The following NPTN variants were observed in gnomAD, a reference collection of about 807,000 sequenced individuals.
The protein encoded by NPTN is neuroplastin.
A neutral mutation model predicts 42.7 loss-of-function variants in NPTN; 5 were observed. That is an observed-to-expected ratio of 0.12 (90% CI 0.06 to 0.25). The LOEUF (loss-of-function observed/expected upper bound fraction) is 0.25. Ranked by LOEUF, NPTN falls within the 10% of genes least tolerant of loss-of-function variation. The probability of loss-of-function intolerance (pLI) is 1.00; values close to 1 mark genes in which losing one functional copy is unlikely to be tolerated. For missense variants in NPTN, 307 were observed against 525.4 expected (o/e 0.58, Z 4.06); for synonymous variants, 180 against 201.9 (o/e 0.89, Z 0.92).
chr15:73,614,096 G>A (rs1203989366), intron 1 of NPTN, among the ~76,000 whole-genome samples: 8 of 151,160 alleles, frequency 5.3e-5, no homozygotes, highest in Admixed American at 4.6e-4. Context: ...TAGATCACTT[G>A]AGCTTAGGAA....
chr15:73,597,104 G>A lies in NPTN; in HGVS notation c.357C>T (p.Ser119=), dbSNP rs1323198883. 1 of 1,614,142 alleles carries A rather than the reference G, an allele frequency of 6.2e-7. No individual in the cohort carries two copies. ...EDSGTYECRA[S]NDPKRNDLRQ... ...TCAAGTCATTCCTCTTGGGGTCGTT[G>A]CTGGCCCTGCACTCGTAAGTCCCAG... The change falls in exon 2 of 9, where the codon AGC becomes AGT. Residue 119 remains serine, a synonymous_variant. Coordinates refer to ENST00000345330, the MANE Select transcript of NPTN (RefSeq NM_012428.4). The surrounding 1 kb of genome is among the most constrained non-coding windows in gnomAD (Gnocchi z 6.3).
intron 4 of NPTN, among the ~76,000 whole-genome samples, chr15:73,580,915 A>C (rs534597340): frequency 6.6e-6 from 1 of 152,246 alleles, no homozygotes; most frequent in Non-Finnish European, 1.5e-5. Context: ...ATCACGTCAA[A>C]TACTCTGAGT....
At chr15:73,626,871 T>C (rs914644109) in intron 1 of NPTN, among the ~76,000 whole-genome samples, 1 of 152,188 alleles carries the variant, frequency 6.6e-6, no homozygotes, top group Non-Finnish European at 1.5e-5. Flanking sequence ...TATATTTCAC[T>C]GTCTAGTAAA....
At chr15:73,601,460 T>G (rs1299384135) in intron 1 of NPTN, among the ~76,000 whole-genome samples, 1 of 152,144 alleles carries the variant, frequency 6.6e-6, no homozygotes, top group Non-Finnish European at 1.5e-5. Context: ...TAGCTTCAAT[T>G]CAGGAAAAGA....
chr15:73,577,436 C>T (rs987217819), intron 4 of NPTN, among the ~76,000 whole-genome samples: 2 of 152,114 alleles, frequency 1.3e-5, no homozygotes, highest in African/African-American at 2.4e-5. Flanking sequence ...GGAAAGAGAT[C>T]GAACTTAACT....
At chr15:73,633,066 C>G in intron 1 of NPTN, 59 bp downstream of exon 1, 1 of 1,221,744 alleles carries the variant, frequency 8.2e-7, no homozygotes, top group Non-Finnish European at 1.1e-6. Flanking sequence ...AGAGCCGGGC[C>G]CCCTCCGGCC....
intron 1 of NPTN, among the ~76,000 whole-genome samples, chr15:73,615,663 T>C (rs148212363): frequency 6.6e-6 from 1 of 152,162 alleles, no homozygotes; most frequent in Non-Finnish European, 1.5e-5. Flanking sequence ...TACACTTTCA[T>C]CCCCGATCTG....
intron 3 of NPTN, among the ~76,000 whole-genome samples, chr15:73,590,633 G>C (rs1356369183): frequency 5.3e-5 from 8 of 151,894 alleles, no homozygotes; most frequent in Non-Finnish European, 8.8e-5. Context: ...AAATTACCCG[G>C]GTGTGGTGGT....
In NPTN at chr15:73,597,185, G is replaced by A. The variant is rs781414457; in HGVS notation, c.276C>T (p.Ala92=). 1 of 1,614,190 alleles carries A rather than the reference G, an allele frequency of 6.2e-7. No homozygotes were observed. The highest frequency in any genetic ancestry group is 8.5e-7 in the Non-Finnish European group (1 of 1,180,038). Residue 92 remains alanine (A), a synonymous_variant, in exon 2 of 9, where the codon GCC becomes GCT. Coordinates refer to ENST00000345330, the MANE Select transcript of NPTN (RefSeq NM_012428.4). This position sits in a 1 kb window ranked among gnomAD's most constrained non-coding sequence, Gnocchi z 6.3. The stretch of plus-strand genomic sequence containing the variant: ...GCACACTCACGCCGTTTGACCCGTA[G>A]GCGGTGTTTACGGTGACACGGCGCT... ...ARKRRVTVNT[A]YGSNGVSVLR... is the part of the protein sequence containing the mutation.
At chr15:73,578,643 CAGA>C (rs1895822073) in intron 4 of NPTN, among the ~76,000 whole-genome samples, 1 of 152,064 alleles carries the variant, frequency 6.6e-6, no homozygotes, top group Non-Finnish European at 1.5e-5. Context: ...TGGTAAAAAC[CAGA>C]AGGTCAAGGT....
intron 1 of NPTN, among the ~76,000 whole-genome samples, chr15:73,614,528 T>C (rs1002822059): frequency 6.6e-6 from 1 of 152,162 alleles, no homozygotes; most frequent in African/African-American, 2.4e-5. Flanking sequence ...TATGAATCCA[T>C]GAAGATGCAC....
At position 73,569,902 on chromosome 15, in the gene NPTN, C is replaced by A. The variant is rs1895264549; in HGVS notation, c.1114+248G>T. The A allele has an allele frequency of 1.4e-6, 1 of 714,710 alleles. No individual in the cohort carries two copies. The highest frequency in any genetic ancestry group is 1.9e-5 in the African/African-American group (1 of 51,780). 44.3% of individuals were successfully genotyped at this position (714,710 alleles called of 1,614,324 possible). On this transcript the variant is annotated intron_variant, in intron 6 of 8. Transcript: ENST00000345330. This position sits in a 1 kb window ranked among gnomAD's most constrained non-coding sequence, Gnocchi z 4.1. The stretch of plus-strand genomic sequence containing the variant: ...GCAGATGGGACTAGGGTTTGGAAAA[C>A]ACCCAAACAGAGGGAGAGAGCTAAG...
intron 1 of NPTN, among the ~76,000 whole-genome samples, chr15:73,603,424 A>C (rs531130882): frequency 4.1e-4 from 62 of 152,330 alleles, no homozygotes; most frequent in Non-Finnish European, 5.9e-5. Flanking sequence ...CTTCCAAATA[A>C]AATGAGAACC....
intron 4 of NPTN, among the ~76,000 whole-genome samples, chr15:73,583,855 T>C (rs1197711326): frequency 6.6e-6 from 1 of 152,200 alleles, no homozygotes; most frequent in Non-Finnish European, 1.5e-5. Context: ...CGTGTGAATG[T>C]GGTCTGGGTA....
chr15:73,598,719 G>C (rs1424271176), intron 1 of NPTN, among the ~76,000 whole-genome samples: 1 of 152,136 alleles, frequency 6.6e-6, no homozygotes, highest in East Asian at 1.9e-4. Context: ...CAGTAAGCAG[G>C]GAGTGAGGTC....
chr15:73,587,915 A>C (rs1896397841), intron 3 of NPTN, among the ~76,000 whole-genome samples: 2 of 152,226 alleles, frequency 1.3e-5, no homozygotes, highest in South Asian at 4.1e-4. Flanking sequence ...AAGGATGTCC[A>C]AAGTACTATA....
rs386785324 is a variant in NPTN, at chr15:73,605,111, G to GA, written c.92-7743dup. Among the ~76,000 whole-genome samples, 915 of 140,542 alleles carry GA rather than the reference G, an allele frequency of 6.5e-3. 21 individuals are homozygous for GA. The highest frequency in any genetic ancestry group is 0.015 in the East Asian group (70 of 4,672). 92.2% of individuals were successfully genotyped at this position (140,542 alleles called of 152,430 possible). A position where few individuals can be genotyped will look rare whatever the true frequency, so the allele number is the denominator to read the frequency against. On this transcript the variant is annotated intron_variant, in intron 1 of 8. Transcript: ENST00000345330. The stretch of plus-strand genomic sequence containing the variant: ...AGACCCTGTCTCAAGGGGGGGGGGG[G>GA]AAAAGAATGATCTAAACTAGTCCTG...
At chr15:73,601,283 C>G (rs772588755) in intron 1 of NPTN, among the ~76,000 whole-genome samples, 1 of 151,428 alleles carries the variant, frequency 6.6e-6, no homozygotes, top group Non-Finnish European at 1.5e-5. Flanking sequence ...GAACACTCAT[C>G]AAAAACCATG....
Position 73,632,139 on chromosome 15 carries a change from A to G in NPTN, c.91+986T>C, listed in dbSNP as rs957241390. 1.1e-4 allele frequency among the ~76,000 whole-genome samples: 17 copies of G among 152,164 alleles called. No homozygotes were observed. The East Asian group carries it at 2.7e-3, about 24-fold the overall frequency. ...CCCTGTTTTCCCAAAGGCCCGACCA[A>G]TATCATACAGCATTTGCCACATCCC... On this transcript the variant is annotated intron_variant, in intron 1 of 8. Coordinates refer to ENST00000345330, the MANE Select transcript of NPTN (RefSeq NM_012428.4).
Sources: gnomAD v4.1 joint callset for allele counts (sites outside exome capture counted in the v4.1 genomes callset) on GRCh38, gnomAD v4.1.1 for gene constraint, Gnocchi (gnomAD v3.1) non-coding constraint, MANE v1.5 for transcripts, NCBI Gene and HGNC (gene_info 2026-07-23, HGNC 2026-07-21) for gene names.